Variants in BICRA observed in about 807,000 individuals in gnomAD.
The protein encoded by BICRA is BRD4 interacting chromatin remodeling complex associated protein.
In BICRA, 31 loss-of-function variants were observed where a neutral mutation model predicts 96.9. The observed-to-expected ratio is 0.32, with a 90% CI of 0.24 to 0.43. The LOEUF is 0.43. Among genes scored for constraint, BICRA ranks in the 20% least tolerant of loss-of-function variants. The probability of loss-of-function intolerance (pLI) is 1.00; values close to 1 mark genes in which losing one functional copy is unlikely to be tolerated. For missense variants in BICRA, 2,283 were observed against 2,190.3 expected (o/e 1.04, Z -0.84); for synonymous variants, 1,350 against 1,071.8 (o/e 1.26, Z -5.07).
intron 1 of BICRA, among the ~76,000 whole-genome samples, chr19:47,648,621 C>G (rs1972497275): frequency 6.6e-6 from 1 of 150,958 alleles, no homozygotes; most frequent in African/African-American, 2.4e-5. Context: ...GCCTGTAATC[C>G]CAGCACTTTG....
rs1437943713 is a variant in BICRA at position 47,701,720 on chromosome 19, G to A, written c.3988G>A (p.Val1330Met). Residue 1330 changes from valine to methionine, a missense_variant, in exon 15 of 15, where the codon GTG becomes ATG. Physicochemically the swap from Val to Met is conservative, Grantham distance 21 (BLOSUM62 1). Coordinates refer to ENST00000594866, the MANE Select transcript of BICRA (RefSeq NM_001394372.1). The surrounding 1 kb of genome is among the most constrained non-coding windows in gnomAD (Gnocchi z 5.4). The part of the protein sequence containing the change: ...KVVHNTALDP[V>M]HQPPPPPATL... The stretch of plus-strand genomic sequence containing the variant: ...CGTGCACAACACGGCCCTGGACCCC[G>A]TGCACCAGCCCCCGCCACCCCCCGC... 8.8e-6 allele frequency: 14 copies of A among 1,587,260 alleles called. No homozygotes were observed. The East Asian group carries it at 2.3e-4, about 26-fold the overall frequency.
intron 1 of BICRA, among the ~76,000 whole-genome samples, chr19:47,656,108 A>ACACC (rs1395595593): frequency 1.6e-5 from 2 of 128,942 alleles, no homozygotes; most frequent in African/African-American, 2.9e-5. Context: ...ACACACACAC[A>ACACC]CACTCTGAAT....
chr19:47,652,716 T>C (rs1972557746), intron 1 of BICRA, among the ~76,000 whole-genome samples: 1 of 152,232 alleles, frequency 6.6e-6, no homozygotes, highest in African/African-American at 2.4e-5. Context: ...GTTTTTGAGA[T>C]GGCTAATTCA....
intron 5 of BICRA, among the ~76,000 whole-genome samples, chr19:47,677,803 G>A (rs1467317671): frequency 2.0e-5 from 3 of 152,332 alleles, no homozygotes; most frequent in African/African-American, 4.8e-5. Context: ...CCAGAACTAC[G>A]ACTGCTTGTC....
chr19:47,609,614 C>G (rs971227486), intron 1 of BICRA, among the ~76,000 whole-genome samples: 1 of 151,688 alleles, frequency 6.6e-6, no homozygotes, highest in Admixed American at 6.5e-5. Flanking sequence ...CGGAGACCCC[C>G]TCCCCGTCCC....
At chr19:47,674,477 A>G (rs993175243) in intron 4 of BICRA, among the ~76,000 whole-genome samples, 10 of 152,184 alleles carry the variant, frequency 6.6e-5, no homozygotes, top group African/African-American at 2.2e-4. Context: ...GAGCAGCTGT[A>G]TTAGTATCTA....
intron 1 of BICRA, among the ~76,000 whole-genome samples, chr19:47,622,655 CG>C (rs1972081276): frequency 7.1e-6 from 1 of 140,034 alleles, no homozygotes. Context: ...ACCCGGGAGG[CG>C]GAGCTTGCAG....
In BICRA at chr19:47,680,909, C is replaced by T; in HGVS notation, c.1739C>T (p.Thr580Ile). 2 of 1,483,862 alleles carry T rather than the reference C, an allele frequency of 1.3e-6. No individual in the cohort carries two copies. Among genetic ancestry groups the T allele is most frequent in the Non-Finnish European group, 1.8e-6 (2 of 1,129,150 alleles). 91.9% of individuals were successfully genotyped at this position (1,483,862 alleles called of 1,614,324 possible). A position where few individuals can be genotyped will look rare whatever the true frequency, so the allele number is the denominator to read the frequency against. Residue 580 changes from threonine (T) to isoleucine (I), a missense_variant, in exon 6 of 15, where the codon ACC becomes ATC. Thr to Ile is a moderately conservative substitution (Grantham distance 89, BLOSUM62 -1). Coordinates refer to ENST00000594866, the MANE Select transcript of BICRA (RefSeq NM_001394372.1). The stretch of plus-strand genomic sequence containing the variant: ...CCAGCGCCCGCCGGGCCGGCCGCCA[C>T]CACTGTCCTCCAGGGGGTCACCCTG... ...SQPAPAGPAATTVLQGVTLPP... is the reference protein window; with the variant it reads ...SQPAPAGPAAITVLQGVTLPP...
intron 1 of BICRA, among the ~76,000 whole-genome samples, chr19:47,612,093 G>C (rs1293093477): frequency 1.3e-5 from 2 of 152,178 alleles, no homozygotes; most frequent in African/African-American, 2.4e-5. Flanking sequence ...CTGGTCTTGA[G>C]GTCCTGACCT....
At chr19:47,619,201 C>CATATATATATATACAT (rs10528949) in intron 1 of BICRA, among the ~76,000 whole-genome samples, 1 of 141,282 alleles carries the variant, frequency 7.1e-6, no homozygotes, top group Non-Finnish European at 1.5e-5. Flanking sequence ...TGTATATATA[C>CATATATATATATACAT]ATATATATAT....
intron 11 of BICRA, 148 bp downstream of exon 11, chr19:47,696,660 C>T: frequency 1.5e-6 from 1 of 679,196 alleles, no homozygotes; most frequent in Non-Finnish European, 2.4e-6. Flanking sequence ...CCCTCATAGA[C>T]CCTCAGTTTC....
At position 47,695,275 on chromosome 19, in the gene BICRA, C is replaced by T. The variant is rs1237539180; in HGVS notation, c.3077-90C>T. 8 of 780,618 alleles carry T rather than the reference C, an allele frequency of 1.0e-5. No individual in the cohort carries two copies. In the East Asian group the frequency reaches 1.1e-4, roughly 10 times the overall value. The allele number at this position is 780,618 out of a possible 1,614,324, so 48.4% of individuals were successfully genotyped here. On this transcript the variant is annotated intron_variant, in intron 9 of 14. Transcript: ENST00000594866. ...AAGGGCCGGAGGGCCAGGAGGAGAGCGGTGGGGTACAGGATGGGGCTCCCG... is the reference window on the plus strand; with the variant it reads ...AAGGGCCGGAGGGCCAGGAGGAGAGTGGTGGGGTACAGGATGGGGCTCCCG...
At position 47,679,332 on chromosome 19, in the gene BICRA, A is replaced by G. The variant is rs147126463; in HGVS notation, c.162A>G (p.Gln54=). The G allele has an allele frequency of 1.3e-3, 1,919 of 1,424,522 alleles. 16 individuals are homozygous for G. The African/African-American group carries it at 0.026, about 19-fold the overall frequency. 88.2% of individuals were successfully genotyped at this position (1,424,522 alleles called of 1,614,324 possible). The change falls in exon 6 of 15, where the codon CAA becomes CAG. Residue 54 remains glutamine (Q), a synonymous_variant. Transcript: ENST00000594866. ...AFYEGPGLHV[Q]EASGNHLNPE... ...TTCCCGGCCTGCAGCTCCATGTGCAAGAAGCTTCCGGCAACCACCTGAACC... is the reference window on the plus strand; with the variant it reads ...TTCCCGGCCTGCAGCTCCATGTGCAGGAAGCTTCCGGCAACCACCTGAACC...
Position 47,703,203 on chromosome 19 carries a change from C to G in BICRA, c.*788C>G, listed in dbSNP as rs1234292332. ...TTTGTACTGTATTTATTGTGTATAA[C>G]GATTTTTTTAAAGGAGAATTCTGTA... On this transcript the variant is annotated 3_prime_UTR_variant, in exon 15 of 15. Coordinates refer to ENST00000594866, the MANE Select transcript of BICRA (RefSeq NM_001394372.1). The G allele has an allele frequency of 6.6e-6, 1 of 152,530 alleles. No homozygotes were observed. Among genetic ancestry groups the G allele is most frequent in the East Asian group, 1.9e-4 (1 of 5,188 alleles). 9.4% of individuals were successfully genotyped at this position (152,530 alleles called of 1,614,324 possible).
Position 47,680,970 on chromosome 19 carries a change from C to A in BICRA, c.1800C>A (p.Asp600Glu). 1.4e-6 allele frequency: 2 copies of A among 1,472,672 alleles called. No individual in the cohort carries two copies. Among genetic ancestry groups the A allele is most frequent in the Non-Finnish European group, 1.8e-6 (2 of 1,121,508 alleles). 91.2% of individuals were successfully genotyped at this position (1,472,672 alleles called of 1,614,324 possible). A position where few individuals can be genotyped will look rare whatever the true frequency, so the allele number is the denominator to read the frequency against. The change falls in exon 6 of 15, where the codon GAC becomes GAA. Residue 600 changes from aspartate (D) to glutamate (E), a missense_variant. Coordinates refer to ENST00000594866, the MANE Select transcript of BICRA (RefSeq NM_001394372.1). ...PSAVAMLNTP[D>E]GLVQPATPAA... ...CCGTGGCCATGCTCAACACCCCCGA[C>A]GGCCTGGTGCAGCCGGCCACCCCTG... is the stretch of plus-strand genomic sequence containing the variant.
chr19:47,639,095 C>G (rs766682072), intron 1 of BICRA, among the ~76,000 whole-genome samples: 4 of 152,064 alleles, frequency 2.6e-5, no homozygotes, highest in Non-Finnish European at 5.9e-5. Flanking sequence ...CCTCCACCTC[C>G]TGGGCTCAAG....
intron 8 of BICRA, 79 bp from the exon 9 acceptor site, chr19:47,694,821 C>A: frequency 8.3e-7 from 1 of 1,201,516 alleles, no homozygotes; most frequent in Non-Finnish European, 1.2e-6. Flanking sequence ...CTCTGTGATC[C>A]TCCCCAGCCC....
At position 47,675,925 on chromosome 19, in the gene BICRA, C is replaced by T. The variant is rs781275957; in HGVS notation, c.150+9C>T. 3.1e-5 allele frequency: 49 copies of T among 1,590,678 alleles called. No homozygotes were observed. Among genetic ancestry groups the T allele is most frequent in the Non-Finnish European group, 3.9e-5 (46 of 1,164,980 alleles). On this transcript the variant is annotated intron_variant, in intron 5 of 14. Coordinates refer to ENST00000594866, the MANE Select transcript of BICRA (RefSeq NM_001394372.1). This position sits in a 1 kb window ranked among gnomAD's most constrained non-coding sequence, Gnocchi z 4.7. ...TCTATGAAGGTCCTGGGGTAAGTGC[C>T]GTGGCTCCCGATCATTGCCTGAGCT...
chr19:47,634,194 G>A (rs1334816689), intron 1 of BICRA, among the ~76,000 whole-genome samples: 1 of 152,230 alleles, frequency 6.6e-6, no homozygotes, highest in African/African-American at 2.4e-5. Context: ...CTGCAGGGTG[G>A]GCGGGAGGAG....
Sources: gnomAD v4.1 joint callset for allele counts (sites outside exome capture counted in the v4.1 genomes callset) on GRCh38, gnomAD v4.1.1 for gene constraint, Gnocchi (gnomAD v3.1) non-coding constraint, MANE v1.5 for transcripts, NCBI Gene and HGNC (gene_info 2026-07-23, HGNC 2026-07-21) for gene names.